Variants in SMCHD1 observed in about 807,000 individuals in gnomAD.
The protein encoded by SMCHD1 is structural maintenance of chromosomes flexible hinge domain containing 1, also known as structural maintenance of chromosomes flexible hinge domain-containing protein 1.
SMCHD1 carries 78 observed loss-of-function variants against 254.7 expected under a neutral mutation model. That is an observed-to-expected ratio of 0.31 (90% CI 0.26 to 0.37). The LOEUF (loss-of-function observed/expected upper bound fraction) is 0.37. Ranked by LOEUF, SMCHD1 falls within the 10% of genes least tolerant of loss-of-function variation. The probability of loss-of-function intolerance (pLI) is 1.00; values close to 1 mark genes in which losing one functional copy is unlikely to be tolerated. For missense variants in SMCHD1, 1,840 were observed against 2,408.1 expected (o/e 0.76, Z 4.94); for synonymous variants, 766 against 794.9 (o/e 0.96, Z 0.61).
At chr18:2,786,621 G>A (rs1223773713) in intron 45 of SMCHD1, among the ~76,000 whole-genome samples, 1 of 152,096 alleles carries the variant, frequency 6.6e-6, no homozygotes, top group Non-Finnish European at 1.5e-5. Context: ...GAGCCTGGGA[G>A]GCAGAGGTTG....
At chr18:2,752,314 A>G (rs539616764) in intron 33 of SMCHD1, among the ~76,000 whole-genome samples, 174 bp from the exon 34 acceptor site, 1 of 152,240 alleles carries the variant, frequency 6.6e-6, no homozygotes, top group South Asian at 2.1e-4. Flanking sequence ...CTAATCTCAC[A>G]TTGTACCTTA....
At chr18:2,704,434 CTGTG>C (rs1216691441) in intron 13 of SMCHD1, among the ~76,000 whole-genome samples, 1 of 151,960 alleles carries the variant, frequency 6.6e-6, no homozygotes, top group East Asian at 1.9e-4. Flanking sequence ...CACCTTTTGA[CTGTG>C]TGGTGGAGAA....
In SMCHD1 at chr18:2,718,295, TTTC is replaced by T. The variant is rs746383998; in HGVS notation, c.2339-14_2339-12del. 2 of 1,607,566 alleles carry T rather than the reference TTTC, an allele frequency of 1.2e-6. No individual in the cohort carries two copies. The highest frequency in any genetic ancestry group is 2.7e-5 in the African/African-American group (2 of 74,564). ...GGTATTGTGTTGACTTGATTTTTAA[TTTC>T]TTCTTAATTTATCCAGAAAATATTC... On this transcript the variant is annotated splice_polypyrimidine_tract_variant and intron_variant, in intron 18 of 47. Coordinates refer to ENST00000320876, the MANE Select transcript of SMCHD1 (RefSeq NM_015295.3). The surrounding 1 kb of genome is among the most constrained non-coding windows in gnomAD (Gnocchi z 4.6).
At chr18:2,677,623 AGTTTT>A (rs1395733568) in intron 5 of SMCHD1, among the ~76,000 whole-genome samples, 1 of 152,122 alleles carries the variant, frequency 6.6e-6, no homozygotes. Context: ...TCCTTTTAAT[AGTTTT>A]GTTTTGTTTT....
At chr18:2,750,566 G>A in intron 32 of SMCHD1, 59 bp downstream of exon 32, 1 of 1,400,974 alleles carries the variant, frequency 7.1e-7, no homozygotes, top group Non-Finnish European at 9.7e-7. Context: ...TACATTAGTG[G>A]AATAAATTAC....
chr18:2,717,333 A>G lies in SMCHD1; in HGVS notation c.2261-825A>G, dbSNP rs2074823654. On this transcript the variant is annotated intron_variant, in intron 17 of 47. Coordinates refer to ENST00000320876, the MANE Select transcript of SMCHD1 (RefSeq NM_015295.3). The stretch of plus-strand genomic sequence containing the variant: ...AGTGCTGTTGCCCACTGTAGTGTTC[A>G]AAGTATCCAAAGTTTCTTTTGCTTT... 2.6e-5 allele frequency among the ~76,000 whole-genome samples: 4 copies of G among 152,136 alleles called. No homozygotes were observed. The South Asian group carries it at 8.3e-4, about 31-fold the overall frequency.
At chr18:2,756,480 C>G (rs917280963) in intron 34 of SMCHD1, among the ~76,000 whole-genome samples, 3 of 152,144 alleles carry the variant, frequency 2.0e-5, no homozygotes, top group African/African-American at 7.2e-5. Flanking sequence ...CCATCTGAGC[C>G]TGGTGTTTTT....
intron 24 of SMCHD1, among the ~76,000 whole-genome samples, chr18:2,731,137 A>G (rs547731316): frequency 3.2e-4 from 48 of 152,338 alleles, no homozygotes; most frequent in African/African-American, 8.2e-4. Context: ...ACAACAGAAG[A>G]TGGTTATGTG....
chr18:2,789,644 CTG>C (rs1426706022), intron 45 of SMCHD1, among the ~76,000 whole-genome samples: 1 of 152,130 alleles, frequency 6.6e-6, no homozygotes, highest in Non-Finnish European at 1.5e-5. Context: ...TATAATGGGG[CTG>C]TGTCTGGATA....
At chr18:2,693,268 T>C (rs1449158373) in intron 7 of SMCHD1, among the ~76,000 whole-genome samples, 1 of 152,216 alleles carries the variant, frequency 6.6e-6, no homozygotes, top group African/African-American at 2.4e-5. Flanking sequence ...AGATATAGTC[T>C]CCTATCACTT....
chr18:2,656,227 C>T lies in SMCHD1; in HGVS notation c.152C>T (p.Ser51Leu), dbSNP rs752893542. The T allele has an allele frequency of 3.3e-6, 5 of 1,502,182 alleles. No individual in the cohort carries two copies. The South Asian group carries it at 5.3e-5, about 16-fold the overall frequency. 93.1% of individuals were successfully genotyped at this position (1,502,182 alleles called of 1,614,324 possible). A position where few individuals can be genotyped will look rare whatever the true frequency, so the allele number is the denominator to read the frequency against. Residue 51 changes from serine to leucine, a missense_variant, in exon 1 of 48, where the codon TCG (serine) becomes TTG (leucine). By Grantham distance (145) the Ser-to-Leu change is moderately radical. Around this residue, in one of 9 missense-constraint regions of SMCHD1, gnomAD observed 115 missense variants for 99.1 expected, o/e 1.16. Coordinates refer to ENST00000320876, the MANE Select transcript of SMCHD1 (RefSeq NM_015295.3). Reference sequence around the variant, plus strand: ...CGGCCTCTGCAGGTCGGGGAGCGCTCGGACTACGCGGGATTTCGCGCGTGT... The same window carrying T: ...CGGCCTCTGCAGGTCGGGGAGCGCTTGGACTACGCGGGATTTCGCGCGTGT... ...GDRPLQVGER[S>L]DYAGFRACVC...
rs767850671 is a variant in SMCHD1, at chr18:2,697,982, G to A, written c.1283G>A (p.Arg428His). ...EGDGVVEGII[R>H]YHPFLYDRET... ...GATGGTGTAGTGGAAGGGATTATCC[G>A]TTATCATCCATTCTTATATGATAGA... is the stretch of plus-strand genomic sequence containing the variant. The change falls in exon 10 of 48, where the codon CGT becomes CAT. Residue 428 changes from arginine to histidine, a missense_variant. Arg to His is a conservative substitution (Grantham distance 29). Transcript: ENST00000320876. 2.7e-5 allele frequency: 44 copies of A among 1,613,440 alleles called. No homozygotes were observed. Among genetic ancestry groups the A allele is most frequent in the Middle Eastern group, 1.6e-4 (1 of 6,080 alleles).
chr18:2,747,640 A>G lies in SMCHD1; in HGVS notation c.3920A>G (p.Asn1307Ser). ...AAAATAAGTCTTACAAAAGCTAGCA[A>G]TTTAAAGGTAAGTTTTAAACTTCCT... ...HVKISLTKAS[N>S]LKLMPSNQQH... Residue 1307 changes from asparagine to serine, a missense_variant, in exon 30 of 48, where the codon AAT becomes AGT. Asn to Ser is a conservative substitution (Grantham distance 46). This residue lies in a region of SMCHD1 where 881 missense variants were observed against 1,009.5 expected (regional missense o/e 0.87). Coordinates refer to ENST00000320876, the MANE Select transcript of SMCHD1 (RefSeq NM_015295.3). 6.3e-7 allele frequency: 1 copy of G among 1,578,898 alleles called. No individual in the cohort carries two copies.
In SMCHD1 at chr18:2,726,444, T is replaced by C. The variant is rs1324600079; in HGVS notation, c.2701-8T>C. ...CTGGGTTTAATTTTTACTGTTTTTTTCCAACAGAATTATAATCTGAAGGTT... is the reference window on the plus strand; with the variant it reads ...CTGGGTTTAATTTTTACTGTTTTTTCCCAACAGAATTATAATCTGAAGGTT... On this transcript the variant is annotated splice_region_variant and splice_polypyrimidine_tract_variant and intron_variant, in intron 21 of 47. Transcript: ENST00000320876. The C allele has an allele frequency of 5.4e-6, 8 of 1,476,884 alleles. No individual in the cohort carries two copies. The highest frequency in any genetic ancestry group is 2.6e-5 in the East Asian group (1 of 39,020). 91.5% of individuals were successfully genotyped at this position (1,476,884 alleles called of 1,614,324 possible). A position where few individuals can be genotyped will look rare whatever the true frequency, so the allele number is the denominator to read the frequency against.
At position 2,748,380 on chromosome 18, in the gene SMCHD1, GTGTA is replaced by G. The variant is rs1555646668; in HGVS notation, c.3927+735_3927+738del. ...TGTGTGTGTGTGTGTGTGTGTGTGT[GTGTA>G]TATAAATTTTTTTTTTTTTTTTTTT... On this transcript the variant is annotated intron_variant, in intron 30 of 47. Coordinates refer to ENST00000320876, the MANE Select transcript of SMCHD1 (RefSeq NM_015295.3). Among the ~76,000 whole-genome samples, 150 of 80,244 alleles carry G rather than the reference GTGTA, an allele frequency of 1.9e-3. 17 individuals carry two copies. The highest frequency in any genetic ancestry group is 9.3e-3 in the African/African-American group (135 of 14,558). The allele number at this position is 80,244 out of a possible 152,430, so 52.6% of individuals were successfully genotyped here. A position where few individuals can be genotyped will look rare whatever the true frequency, so the allele number is the denominator to read the frequency against.
At chr18:2,739,169 T>G (rs2075303144) in intron 26 of SMCHD1, among the ~76,000 whole-genome samples, 1 of 152,228 alleles carries the variant, frequency 6.6e-6, no homozygotes, top group Non-Finnish European at 1.5e-5. Context: ...TTGTCATAAT[T>G]TCCTTTTAAT....
At position 2,796,006 on chromosome 18, in the gene SMCHD1, T is replaced by C. The variant is rs751244017; in HGVS notation, c.5777T>C (p.Leu1926Pro). ...AAACTAGACAGTGTGAATAAGGATC[T>C]TAACAGTCAATTAGAGTACCTTCGC... ...VCKLDSVNKD[L>P]NSQLEYLRTP... The change falls in exon 46 of 48, where the codon CTT becomes CCT. Residue 1926 changes from leucine to proline, a missense_variant. Leu to Pro is a moderately conservative substitution (Grantham distance 98). Around this residue, in one of 9 missense-constraint regions of SMCHD1, gnomAD observed 132 missense variants for 138.2 expected, o/e 0.95. Transcript: ENST00000320876. 6.3e-7 allele frequency: 1 copy of C among 1,598,140 alleles called. No individual in the cohort carries two copies. The highest frequency in any genetic ancestry group is 1.1e-5 in the South Asian group (1 of 88,152).
chr18:2,768,534 CTA>C (rs1278335449), intron 37 of SMCHD1, among the ~76,000 whole-genome samples: 1 of 151,378 alleles, frequency 6.6e-6, no homozygotes, highest in African/African-American at 2.4e-5. Flanking sequence ...TATATTTTTG[CTA>C]TGTTATAGAT....
chr18:2,672,484 T>C (rs2143836873), intron 3 of SMCHD1, among the ~76,000 whole-genome samples: 1 of 152,328 alleles, frequency 6.6e-6, no homozygotes, highest in East Asian at 1.9e-4. Context: ...TGCCTCGGCC[T>C]CCCAAAGTGT....
Sources: allele counts gnomAD v4.1 joint callset (sites outside exome capture counted in the v4.1 genomes callset), GRCh38; gene constraint gnomAD v4.1.1; regional missense constraint gnomAD v4.1.1; non-coding constraint Gnocchi (gnomAD v3.1); transcripts MANE v1.5; gene names NCBI Gene and HGNC (gene_info 2026-07-23, HGNC 2026-07-21).